GFOD2: variants seen among roughly 807,000 people sequenced by gnomAD.
GFOD2 encodes the protein glucose-fructose oxidoreductase domain-containing protein 2.
Under a neutral mutation model 24.6 loss-of-function variants are expected in GFOD2, and 9 were observed. The ratio of observed to expected loss-of-function variants is 0.37; its 90% CI spans 0.22 to 0.64. The LOEUF is 0.64. Ranked by LOEUF, GFOD2 falls within the 30% of genes least tolerant of loss-of-function variation. The pLI is 0.65. For missense variants in GFOD2, 476 were observed against 532.5 expected (o/e 0.89, Z 1.04); for synonymous variants, 211 against 224.8 (o/e 0.94, Z 0.55).
intron 1 of GFOD2, among the ~76,000 whole-genome samples, chr16:67,714,316 T>C (rs2053494050): frequency 6.6e-6 from 1 of 151,422 alleles, no homozygotes; most frequent in Non-Finnish European, 1.5e-5. Flanking sequence ...CCATCTCTAC[T>C]AAAAATACAA....
intron 1 of GFOD2, among the ~76,000 whole-genome samples, chr16:67,712,535 A>C (rs1311409468): frequency 2.8e-5 from 3 of 107,346 alleles, no homozygotes; most frequent in African/African-American, 4.1e-5. Context: ...GTGATCCGCC[A>C]GCCTCGGCCT....
intron 1 of GFOD2, among the ~76,000 whole-genome samples, chr16:67,693,969 A>G (rs1430146217): frequency 6.6e-6 from 1 of 151,936 alleles, no homozygotes; most frequent in Non-Finnish European, 1.5e-5. Context: ...CAACCCCCAT[A>G]ATCCAGTGGC....
At chr16:67,678,090 A>G (rs2053195721) in intron 2 of GFOD2, among the ~76,000 whole-genome samples, 1 of 152,266 alleles carries the variant, frequency 6.6e-6, no homozygotes, top group African/African-American at 2.4e-5. Flanking sequence ...GATTCTGTTC[A>G]CACAGGCTCA....
intron 1 of GFOD2, among the ~76,000 whole-genome samples, chr16:67,688,242 G>GTA (rs760554802): frequency 4.6e-5 from 7 of 151,962 alleles, no homozygotes; most frequent in Non-Finnish European, 1.0e-4. Context: ...ATAGGTATGA[G>GTA]TATATATATA....
chr16:67,682,318 G>A (rs1272090041), intron 2 of GFOD2: 5 of 982,974 alleles, frequency 5.1e-6, no homozygotes, highest in Non-Finnish European at 6.0e-6. Flanking sequence ...TTACATGCAT[G>A]AGCCACCAAG....
chr16:67,683,501 C>G (rs2053243265), intron 2 of GFOD2: 1 of 1,231,564 alleles, frequency 8.1e-7, no homozygotes, highest in African/African-American at 1.6e-5. Flanking sequence ...TGAATTCAAT[C>G]TGGGAGCCAC....
intron 1 of GFOD2, among the ~76,000 whole-genome samples, chr16:67,712,078 T>C (rs2053478220): frequency 6.6e-6 from 1 of 152,204 alleles, no homozygotes; most frequent in South Asian, 2.1e-4. Flanking sequence ...AGGTCTGACA[T>C]GTAGTTGGTG....
chr16:67,699,377 TA>T (rs368424126), intron 1 of GFOD2, among the ~76,000 whole-genome samples: 5 of 148,754 alleles, frequency 3.4e-5, no homozygotes, highest in Non-Finnish European at 4.5e-5. Flanking sequence ...AAATAAAAAT[TA>T]AAAAAAAAAT....
intron 1 of GFOD2, among the ~76,000 whole-genome samples, chr16:67,710,321 T>C (rs1482870160): frequency 2.0e-5 from 3 of 150,816 alleles, no homozygotes; most frequent in Admixed American, 6.6e-5. Context: ...GGTTTCACCA[T>C]GTTGGCCGGG....
chr16:67,694,149 C>T (rs2053339095), intron 1 of GFOD2, among the ~76,000 whole-genome samples: 2 of 152,084 alleles, frequency 1.3e-5, no homozygotes, highest in Admixed American at 1.3e-4. Flanking sequence ...CACACGCCAT[C>T]ACACCTGGCT....
chr16:67,711,512 T>C (rs2142997604), intron 1 of GFOD2, among the ~76,000 whole-genome samples: 1 of 152,328 alleles, frequency 6.6e-6, no homozygotes, highest in East Asian at 1.9e-4. Flanking sequence ...TTCCATTCAG[T>C]GTCATGGCTT....
intron 1 of GFOD2, among the ~76,000 whole-genome samples, chr16:67,696,582 TC>T (rs1325464317): frequency 6.6e-6 from 1 of 151,844 alleles, no homozygotes; most frequent in Non-Finnish European, 1.5e-5. Flanking sequence ...CACGCCATTC[TC>T]CTGCCTCAGC....
chr16:67,710,906 C>T (rs543115569), intron 1 of GFOD2, among the ~76,000 whole-genome samples: 1 of 152,160 alleles, frequency 6.6e-6, no homozygotes, highest in East Asian at 1.9e-4. Context: ...CTATACCTGC[C>T]GCCATGGTCC....
chr16:67,691,251 A>G (rs1337932100), intron 1 of GFOD2, among the ~76,000 whole-genome samples: 2 of 152,134 alleles, frequency 1.3e-5, no homozygotes, highest in Non-Finnish European at 2.9e-5. Context: ...TCTGTTGCCC[A>G]GGCTGGAGTG....
rs1269417303 is a variant in GFOD2, at chr16:67,675,622, C to T, written c.691G>A (p.Gly231Arg). The T allele has an allele frequency of 1.2e-6, 2 of 1,613,252 alleles. No individual in the cohort carries two copies. Among genetic ancestry groups the T allele is most frequent in the Non-Finnish European group, 8.5e-7 (1 of 1,180,042 alleles). Reference protein sequence around the residue: ...DFCFFQMLMGGGVCSTVTLNF... With the variant: ...DFCFFQMLMGRGVCSTVTLNF... ...AGTGTCACTGTGCTACACACACCCCCACCCATGAGCATCTGGAAGAAACAG... is the reference window on the plus strand; with the variant it reads ...AGTGTCACTGTGCTACACACACCCCTACCCATGAGCATCTGGAAGAAACAG... The change falls in exon 3 of 3, where the codon GGG (glycine) becomes AGG (arginine). Residue 231 changes from glycine (G) to arginine (R), a missense_variant. Physicochemically the swap from Gly to Arg is moderately radical, Grantham distance 125. Coordinates refer to ENST00000268797, the MANE Select transcript of GFOD2 (RefSeq NM_030819.4).
chr16:67,678,184 G>A (rs1301305399), intron 2 of GFOD2, among the ~76,000 whole-genome samples: 1 of 152,142 alleles, frequency 6.6e-6, no homozygotes, highest in Non-Finnish European at 1.5e-5. Flanking sequence ...CATAGAGATG[G>A]CCAATGTCTT....
chr16:67,717,790 C>CGATAGATAGATAGATAGATAGATA (rs56029322), intron 1 of GFOD2, among the ~76,000 whole-genome samples: 2,538 of 151,122 alleles, frequency 0.017, 72 homozygotes, highest in African/African-American at 0.057. Flanking sequence ...GACTCCGTCT[C>CGATAGATAGATAGATAGATAGATA]GATAGATAGA....
At chr16:67,680,693 G>A (rs1293951211) in intron 2 of GFOD2, 2 of 980,952 alleles carry the variant, frequency 2.0e-6, no homozygotes, top group Non-Finnish European at 2.4e-6. Flanking sequence ...GCTGCAGCAA[G>A]GAACAAGGCA....
At chr16:67,712,276 TCC>T (rs2053479692) in intron 1 of GFOD2, among the ~76,000 whole-genome samples, 1 of 66,354 alleles carries the variant, frequency 1.5e-5, no homozygotes, top group Middle Eastern at 9.3e-3. Flanking sequence ...CCTCTCCCTC[TCC>T]CCCTCCCCCT....
Sources: gnomAD v4.1 joint callset for allele counts (sites outside exome capture counted in the v4.1 genomes callset) on GRCh38, gnomAD v4.1.1 for gene constraint, MANE v1.5 for transcripts, NCBI Gene and HGNC (gene_info 2026-07-23, HGNC 2026-07-21) for gene names.